Variants in TAPT1 observed in about 807,000 individuals in gnomAD.
TAPT1 encodes the protein transmembrane anterior posterior transformation 1.
Under a neutral mutation model 65.6 loss-of-function variants are expected in TAPT1, and 28 were observed. That is an observed-to-expected ratio of 0.43 (90% CI 0.32 to 0.59). TAPT1 has a LOEUF of 0.59. Ranked by LOEUF, TAPT1 falls within the 20% of genes least tolerant of loss-of-function variation. The pLI, the probability that TAPT1 is intolerant of heterozygous loss-of-function variation, is 0.09. For missense variants in TAPT1, 563 were observed against 679.9 expected (o/e 0.83, Z 1.91); for synonymous variants, 278 against 245.2 (o/e 1.13, Z -1.25).
chr4:16,223,853 CA>C (rs1445612356), intron 1 of TAPT1, among the ~76,000 whole-genome samples: 1 of 152,054 alleles, frequency 6.6e-6, no homozygotes, highest in African/African-American at 2.4e-5. Flanking sequence ...CTAATATGTA[CA>C]TTCATTTAGG....
At position 16,161,549 on chromosome 4, in the gene TAPT1, T is replaced by A. The variant is rs954529425; in HGVS notation, c.*1759A>T. 1.3e-5 allele frequency: 2 copies of A among 152,590 alleles called. No individual in the cohort carries two copies. The highest frequency in any genetic ancestry group is 4.8e-5 in the African/African-American group (2 of 41,426). The allele number at this position is 152,590 out of a possible 1,614,324, so 9.5% of individuals were successfully genotyped here. On this transcript the variant is annotated 3_prime_UTR_variant, in exon 14 of 14. Coordinates refer to ENST00000405303, the MANE Select transcript of TAPT1 (RefSeq NM_153365.3). Reference sequence around the variant, plus strand: ...CAAAGCTTTCCCCAAACTATTCCATTCACGGTGGCATTGTTCCTTTTGTTG... The same window carrying A: ...CAAAGCTTTCCCCAAACTATTCCATACACGGTGGCATTGTTCCTTTTGTTG...
chr4:16,171,081 T>C (rs28427433), intron 11 of TAPT1, among the ~76,000 whole-genome samples: 37,112 of 152,118 alleles, frequency 0.24, 6,109 homozygotes, highest in African/African-American at 0.47. Context: ...TATAAAATAT[T>C]ATTCTGCAAA....
chr4:16,179,277 G>A, intron 8 of TAPT1: 1 of 253,168 alleles, frequency 3.9e-6, no homozygotes. Context: ...AATACTGCAG[G>A]CAAACTGTGA....
At chr4:16,227,096 G>A (rs1751632549), upstream of TAPT1, 1 of 455,122 alleles carries the variant, frequency 2.2e-6, no homozygotes, top group African/African-American at 2.0e-5. Context: ...ATGCTTGCCT[G>A]TTACATTCCC....
intron 12 of TAPT1, among the ~76,000 whole-genome samples, chr4:16,169,299 CA>C (rs1747839384): frequency 6.6e-6 from 1 of 152,190 alleles, no homozygotes; most frequent in African/African-American, 2.4e-5. Context: ...TGTAACTAAA[CA>C]AAGGTTTTCA....
At chr4:16,212,842 C>A (rs541799128) in intron 2 of TAPT1, among the ~76,000 whole-genome samples, 2 of 152,218 alleles carry the variant, frequency 1.3e-5, no homozygotes, top group African/African-American at 4.8e-5. Context: ...ATTTCTGAAA[C>A]TGTCACTCTA....
chr4:16,226,093 C>CGGAGCCTCG (rs989331031), intron 1 of TAPT1, 166 bp downstream of exon 1: 11 of 1,023,886 alleles, frequency 1.1e-5, no homozygotes, highest in African/African-American at 1.7e-5. Context: ...TCAACGGCCG[C>CGGAGCCTCG]GGAGCCTCGG....
intron 3 of TAPT1, among the ~76,000 whole-genome samples, chr4:16,200,319 T>C (rs982837610): frequency 1.3e-5 from 2 of 152,060 alleles, no homozygotes; most frequent in African/African-American, 4.8e-5. Context: ...CTACATAGTA[T>C]TAGTTATTTT....
intron 1 of TAPT1, among the ~76,000 whole-genome samples, chr4:16,217,427 AACG>A (rs1751003169): frequency 6.6e-6 from 1 of 152,208 alleles, no homozygotes; most frequent in African/African-American, 2.4e-5. Context: ...TTAGACATAA[AACG>A]GAGTGGCCAA....
intron 12 of TAPT1, among the ~76,000 whole-genome samples, chr4:16,170,369 T>G (rs1747913948): frequency 6.6e-6 from 1 of 152,254 alleles, no homozygotes; most frequent in Non-Finnish European, 1.5e-5. Flanking sequence ...TGGCAGTCTT[T>G]TATTCATCAA....
At position 16,166,671 on chromosome 4, in the gene TAPT1, G is replaced by A. The variant is rs1335552338; in HGVS notation, c.1436C>T (p.Pro479Leu). Reference protein sequence around the residue: ...NPPATCTPGKPSSKSQNKCKP... With the variant: ...NPPATCTPGKLSSKSQNKCKP... ...ACATTTGTTCTGTGATTTACTGGAC[G>A]GCTTGCCTGGAGTGCAGGTTGCGGG... Residue 479 changes from proline (P) to leucine (L), a missense_variant, in exon 13 of 14, where the codon CCG becomes CTG. By Grantham distance (98) the Pro-to-Leu change is moderately conservative (BLOSUM62 -3). Coordinates refer to ENST00000405303, the MANE Select transcript of TAPT1 (RefSeq NM_153365.3). 1.2e-6 allele frequency: 2 copies of A among 1,613,984 alleles called. No individual in the cohort carries two copies. Among genetic ancestry groups the A allele is most frequent in the Non-Finnish European group, 1.7e-6 (2 of 1,179,886 alleles).
intron 3 of TAPT1, 60 bp downstream of exon 3, chr4:16,202,402 A>G (rs760860756): frequency 2.7e-5 from 29 of 1,071,104 alleles, no homozygotes; most frequent in Non-Finnish European, 4.0e-5. Context: ...TGCAACCACT[A>G]CAAGTATTAA....
At chr4:16,202,322 AT>A (rs1318427829) in intron 3 of TAPT1, 139 bp downstream of exon 3, 3 of 437,392 alleles carry the variant, frequency 6.9e-6, no homozygotes, top group Middle Eastern at 6.6e-4. Flanking sequence ...TATAATATCC[AT>A]TAAAAAGGTA....
In TAPT1 at chr4:16,162,686, T is replaced by C. The variant is rs945441708; in HGVS notation, c.*622A>G. ...TAGCCTTCATTAATTATTTTTTTAA[T>C]AAATAAACTAGTTTAGCATTTTTTT... On this transcript the variant is annotated 3_prime_UTR_variant, in exon 14 of 14. Transcript: ENST00000405303. The C allele has an allele frequency of 7.1e-6, 1 of 141,100 alleles. No individual in the cohort carries two copies. The highest frequency in any genetic ancestry group is 2.8e-5 in the African/African-American group (1 of 35,510). 8.7% of individuals were successfully genotyped at this position (141,100 alleles called of 1,614,324 possible). A position where few individuals can be genotyped will look rare whatever the true frequency, so the allele number is the denominator to read the frequency against.
chr4:16,205,300 C>T lies in TAPT1; in HGVS notation c.331-2720G>A, dbSNP rs144617406. Among the ~76,000 whole-genome samples the T allele has an allele frequency of 1.6e-3, 250 of 152,274 alleles. 1 individual carries two copies. Among genetic ancestry groups the T allele is most frequent in the Non-Finnish European group, 2.7e-3 (182 of 67,998 alleles). On this transcript the variant is annotated intron_variant, in intron 2 of 13. Coordinates refer to ENST00000405303, the MANE Select transcript of TAPT1 (RefSeq NM_153365.3). Reference sequence around the variant, plus strand: ...AACCATCTTCTGGAAATTCTGAATACCATCTCCTCCACCACAACCACCAAA... The same window carrying T: ...AACCATCTTCTGGAAATTCTGAATATCATCTCCTCCACCACAACCACCAAA...
At position 16,161,299 on chromosome 4, in the gene TAPT1, A is replaced by G. The variant is rs1747228952; in HGVS notation, c.*2009T>C. On this transcript the variant is annotated 3_prime_UTR_variant, in exon 14 of 14. Coordinates refer to ENST00000405303, the MANE Select transcript of TAPT1 (RefSeq NM_153365.3). ...AAATAAATTCAGTGACCTTTTTAAAAAAGATTACAAAACTGAATTTATTGA... is the reference window on the plus strand; with the variant it reads ...AAATAAATTCAGTGACCTTTTTAAAGAAGATTACAAAACTGAATTTATTGA... 6.5e-6 allele frequency: 1 copy of G among 152,674 alleles called. No homozygotes were observed. 9.5% of individuals were successfully genotyped at this position (152,674 alleles called of 1,614,324 possible).
At chr4:16,210,157 C>T (rs567838896) in intron 2 of TAPT1, among the ~76,000 whole-genome samples, 60 of 152,258 alleles carry the variant, frequency 3.9e-4, no homozygotes, top group Middle Eastern at 3.4e-3. Context: ...CCCCAGACAG[C>T]CTAGGTAAAA....
chr4:16,206,598 C>A (rs1560181317), intron 2 of TAPT1, among the ~76,000 whole-genome samples: 4 of 151,898 alleles, frequency 2.6e-5, no homozygotes, highest in Admixed American at 1.3e-4. Context: ...AGGATGAGAT[C>A]GACTTTCTAG....
At position 16,176,172 on chromosome 4, in the gene TAPT1, CG is replaced by C; in HGVS notation, c.1053del (p.Val352TrpfsTer4). ...ATAAAGGCATGTTTTACAATATCCA[CG>C]GCAATTTCTGATGCAATTACCATAC... ...DVCMVIASEI[A>X]VDIVKHAFIT... On this transcript the variant is annotated frameshift_variant, in exon 9 of 14. Coordinates refer to ENST00000405303, the MANE Select transcript of TAPT1 (RefSeq NM_153365.3). LOFTEE classifies it high-confidence loss of function. The C allele has an allele frequency of 6.3e-7, 1 of 1,578,206 alleles. No individual in the cohort carries two copies.
Sources: gnomAD v4.1 joint callset for allele counts (sites outside exome capture counted in the v4.1 genomes callset) on GRCh38, gnomAD v4.1.1 for gene constraint, MANE v1.5 for transcripts, NCBI Gene and HGNC (gene_info 2026-07-23, HGNC 2026-07-21) for gene names.